Variants in KANSL1 observed in about 807,000 individuals in gnomAD.
The protein encoded by KANSL1 is KAT8 regulatory NSL complex subunit 1.
A neutral mutation model predicts 103.6 loss-of-function variants in KANSL1; 22 were observed. That is an observed-to-expected ratio of 0.21 (90% confidence interval 0.15 to 0.30). KANSL1 has a LOEUF of 0.30. KANSL1 is among the 10% of genes least tolerant of loss of function. The pLI is 1.00. For synonymous variants in KANSL1, 600 were observed against 527.6 expected (o/e 1.14, Z -1.88); for missense variants, 1,337 against 1,399.8 (o/e 0.96, Z 0.72).
intron 2 of KANSL1, among the ~76,000 whole-genome samples, chr17:46,152,578 A>C (rs2045171807): frequency 8.8e-6 from 1 of 113,940 alleles, no homozygotes; most frequent in South Asian, 3.0e-4. Flanking sequence ...GACAATAGAC[A>C]CAAAGGGGGG....
intron 3 of KANSL1, among the ~76,000 whole-genome samples, chr17:46,085,772 G>A (rs943586870): frequency 3.3e-5 from 5 of 152,110 alleles, no homozygotes; most frequent in African/African-American, 1.2e-4. Context: ...GATAACAGGT[G>A]CAAGCCACCA....
chr17:46,112,669 T>C (rs1276652644), intron 2 of KANSL1, among the ~76,000 whole-genome samples: 2 of 151,164 alleles, frequency 1.3e-5, no homozygotes, highest in Admixed American at 6.6e-5. Context: ...TGGGTGAGAG[T>C]GAGACATTGT....
At chr17:46,133,267 G>A (rs1429619447) in intron 2 of KANSL1, among the ~76,000 whole-genome samples, 1 of 152,158 alleles carries the variant, frequency 6.6e-6, no homozygotes, top group Non-Finnish European at 1.5e-5. Flanking sequence ...CTGAGGGAAC[G>A]ATACCAAGCA....
chr17:46,080,504 A>C (rs564104575), intron 4 of KANSL1, among the ~76,000 whole-genome samples: 1 of 152,122 alleles, frequency 6.6e-6, no homozygotes, highest in African/African-American at 2.4e-5. Flanking sequence ...AAACAAAACA[A>C]AACAAAAAAA....
chr17:46,056,712 A>T (rs1179067065), intron 6 of KANSL1, among the ~76,000 whole-genome samples: 1 of 152,226 alleles, frequency 6.6e-6, no homozygotes, highest in African/African-American at 2.4e-5. Context: ...AAATTTTCTC[A>T]CTTGTTAAAA....
chr17:46,216,374 T>C (rs1597987863), intron 1 of KANSL1, among the ~76,000 whole-genome samples: 1 of 151,384 alleles, frequency 6.6e-6, no homozygotes, highest in East Asian at 2.0e-4. Flanking sequence ...CCGAGGCAGG[T>C]GGATCACCTG....
intron 2 of KANSL1, among the ~76,000 whole-genome samples, chr17:46,148,861 C>T (rs1350621509): frequency 6.8e-6 from 1 of 147,124 alleles, no homozygotes; most frequent in Non-Finnish European, 1.5e-5. Flanking sequence ...GCTGGGATTA[C>T]AAGCATGAAC....
At chr17:46,069,326 C>T (rs757526071) in intron 4 of KANSL1, among the ~76,000 whole-genome samples, 4 of 152,188 alleles carry the variant, frequency 2.6e-5, no homozygotes, top group Admixed American at 6.6e-5. Flanking sequence ...CCTACAAATG[C>T]TTTCAAGGTA....
intron 7 of KANSL1, 114 bp downstream of exon 7, chr17:46,050,419 G>A (rs1252398159): frequency 5.4e-6 from 6 of 1,105,964 alleles, no homozygotes; most frequent in East Asian, 2.6e-5. Context: ...CTTGGTTGAC[G>A]AAAGTTGTAC....
intron 2 of KANSL1, among the ~76,000 whole-genome samples, chr17:46,160,813 T>C (rs893982069): frequency 1.3e-5 from 2 of 152,218 alleles, no homozygotes; most frequent in Non-Finnish European, 2.9e-5. Flanking sequence ...CCAAATCTAA[T>C]GAACAATTTG....
chr17:46,035,515 A>C (rs953640971), intron 10 of KANSL1: 1 of 152,168 alleles, frequency 6.6e-6, no homozygotes, highest in African/African-American at 2.4e-5. Flanking sequence ...TTCTCTATCA[A>C]ATCAGATGAC....
At chr17:46,142,526 T>C (rs1445004712) in intron 2 of KANSL1, among the ~76,000 whole-genome samples, 1 of 152,182 alleles carries the variant, frequency 6.6e-6, no homozygotes, top group African/African-American at 2.4e-5. Flanking sequence ...TGAGGACCAC[T>C]TGAGTCCTGG....
At chr17:46,177,777 A>T (rs79554691) in intron 1 of KANSL1, among the ~76,000 whole-genome samples, 3 of 150,964 alleles carry the variant, frequency 2.0e-5, no homozygotes, top group Non-Finnish European at 2.9e-5. Context: ...TCACAGTAAC[A>T]TTCTTTTTTT....
At chr17:46,043,163 C>T (rs1297871793) in intron 7 of KANSL1, 3 of 152,150 alleles carry the variant, frequency 2.0e-5, no homozygotes, top group African/African-American at 4.8e-5. Context: ...CCACAATACC[C>T]CTTTGTCAGC....
At chr17:46,172,267 C>T (rs2147755048) in intron 1 of KANSL1, 35 bp from the exon 2 acceptor site, 9 of 962,906 alleles carry the variant, frequency 9.3e-6, no homozygotes, top group African/African-American at 1.8e-5. Context: ...ATTAGAAATA[C>T]AAGCACTTTT....
chr17:46,141,699 T>C (rs1426940985), intron 2 of KANSL1, among the ~76,000 whole-genome samples: 1 of 152,236 alleles, frequency 6.6e-6, no homozygotes, highest in Admixed American at 6.5e-5. Flanking sequence ...GCAACCCATA[T>C]TCTGGAAAGA....
chr17:46,108,469 G>A (rs1439467743), intron 2 of KANSL1, among the ~76,000 whole-genome samples: 1 of 151,992 alleles, frequency 6.6e-6, no homozygotes, highest in African/African-American at 2.4e-5. Context: ...TTTCTTTCCC[G>A]CTTCCTGGCT....
chr17:46,072,328 C>T (rs370367975), intron 4 of KANSL1, among the ~76,000 whole-genome samples: 1 of 152,180 alleles, frequency 6.6e-6, no homozygotes, highest in African/African-American at 2.4e-5. Flanking sequence ...TCAATTAATG[C>T]CATGTCACAC....
intron 2 of KANSL1, among the ~76,000 whole-genome samples, chr17:46,103,780 C>G (rs1268226929): frequency 6.6e-6 from 1 of 152,226 alleles, no homozygotes; most frequent in Non-Finnish European, 1.5e-5. Flanking sequence ...AATCTCAGCA[C>G]TTTGGGAGGC....
Sources: allele counts gnomAD v4.1 joint callset (sites outside exome capture counted in the v4.1 genomes callset), GRCh38; gene constraint gnomAD v4.1.1; transcripts MANE v1.5; gene names NCBI Gene and HGNC (gene_info 2026-07-23, HGNC 2026-07-21).